Variants in SPTLC3 observed in about 807,000 individuals in gnomAD.
SPTLC3 encodes serine palmitoyltransferase 3.
Under a neutral mutation model 59.3 loss-of-function variants are expected in SPTLC3, and 36 were observed. The observed-to-expected ratio is 0.61, with a 90% CI of 0.47 to 0.80. The LOEUF (loss-of-function observed/expected upper bound fraction) is 0.80, where lower values mean the gene tolerates loss of function less well. Among genes scored for constraint, SPTLC3 ranks in the 30% least tolerant of loss-of-function variants. SPTLC3 has a pLI of 0.00. For missense variants in SPTLC3, 625 were observed against 685.1 expected (o/e 0.91, Z 0.98); for synonymous variants, 257 against 240.8 (o/e 1.07, Z -0.62).
intron 9 of SPTLC3, among the ~76,000 whole-genome samples, chr20:13,135,806 GA>G (rs1344770152): frequency 6.6e-6 from 1 of 152,180 alleles, no homozygotes; most frequent in African/African-American, 2.4e-5. Context: ...ATGGCTATAA[GA>G]AAAATCATAA....
intron 2 of SPTLC3, among the ~76,000 whole-genome samples, chr20:13,058,374 G>A (rs891660): frequency 0.22 from 33,033 of 151,088 alleles, 3,740 homozygotes; most frequent in African/African-American, 0.3. Context: ...GCATAGATCC[G>A]AACCCAAAGT....
intron 1 of SPTLC3, among the ~76,000 whole-genome samples, chr20:13,037,922 A>T (rs1986806583): frequency 6.6e-6 from 1 of 152,176 alleles, no homozygotes; most frequent in Middle Eastern, 3.4e-3. Flanking sequence ...GAGACATACC[A>T]GCTCGTGACT....
At position 13,167,141 on chromosome 20, in the gene SPTLC3, G is replaced by C. The variant is rs2038994098; in HGVS notation, c.*2274G>C. On this transcript the variant is annotated 3_prime_UTR_variant, in exon 12 of 12. Transcript: ENST00000399002. ...AAGCTCCACAGGGCCAATAATATTA[G>C]AGTATATGTCATATAGAATAAGGTT... 2 of 152,148 alleles carry C rather than the reference G, an allele frequency of 1.3e-5. No individual in the cohort carries two copies. The highest frequency in any genetic ancestry group is 4.8e-5 in the African/African-American group (2 of 41,414). The allele number at this position is 152,148 out of a possible 1,614,324, so 9.4% of individuals were successfully genotyped here. A position where few individuals can be genotyped will look rare whatever the true frequency, so the allele number is the denominator to read the frequency against.
At chr20:13,052,723 T>C (rs1600233473) in intron 2 of SPTLC3, among the ~76,000 whole-genome samples, 1 of 152,146 alleles carries the variant, frequency 6.6e-6, no homozygotes, top group East Asian at 1.9e-4. Context: ...CATCCACCAT[T>C]ACTGAGGCTT....
chr20:13,092,458 T>C (rs1202680228), intron 5 of SPTLC3, among the ~76,000 whole-genome samples: 1 of 152,232 alleles, frequency 6.6e-6, no homozygotes, highest in East Asian at 1.9e-4. Context: ...AAACGAATGA[T>C]AATGTCTATA....
chr20:13,113,443 A>G (rs1337225070), intron 7 of SPTLC3, among the ~76,000 whole-genome samples: 2 of 152,148 alleles, frequency 1.3e-5, no homozygotes, highest in African/African-American at 2.4e-5. Flanking sequence ...TAACCCCCAA[A>G]GAGAGCAGTC....
At chr20:13,060,327 A>G (rs756498601) in intron 2 of SPTLC3, among the ~76,000 whole-genome samples, 6 of 152,158 alleles carry the variant, frequency 3.9e-5, no homozygotes, top group Non-Finnish European at 8.8e-5. Flanking sequence ...AAGCATAACC[A>G]CTAACCCCAT....
intron 1 of SPTLC3, among the ~76,000 whole-genome samples, chr20:13,040,576 T>G (rs1986935588): frequency 1.3e-5 from 2 of 152,174 alleles, no homozygotes; most frequent in Non-Finnish European, 2.9e-5. Context: ...GCCAGGATGG[T>G]CTCGATCTCC....
intron 4 of SPTLC3, among the ~76,000 whole-genome samples, chr20:13,078,365 T>A (rs1200120255): frequency 6.6e-6 from 1 of 151,262 alleles, no homozygotes; most frequent in Non-Finnish European, 1.5e-5. Flanking sequence ...AGCTAAGAAG[T>A]AAACTGATTA....
intron 4 of SPTLC3, among the ~76,000 whole-genome samples, chr20:13,080,399 T>C (rs748474310): frequency 6.6e-6 from 1 of 151,656 alleles, no homozygotes; most frequent in Non-Finnish European, 1.5e-5. Context: ...TCCCTGCTAC[T>C]TGGGAGGCTG....
intron 9 of SPTLC3, among the ~76,000 whole-genome samples, chr20:13,149,781 A>G (rs1236873257): frequency 6.6e-6 from 1 of 152,230 alleles, no homozygotes; most frequent in Non-Finnish European, 1.5e-5. Flanking sequence ...TTAGCTGATG[A>G]TCCAGTTTCT....
intron 7 of SPTLC3, among the ~76,000 whole-genome samples, chr20:13,116,818 T>C (rs1990584071): frequency 6.6e-6 from 1 of 152,196 alleles, no homozygotes; most frequent in Admixed American, 6.5e-5. Context: ...GCCCACCCAA[T>C]ACCGACTGAA....
chr20:13,010,631 A>G (rs978951753), intron 1 of SPTLC3, among the ~76,000 whole-genome samples: 4 of 152,188 alleles, frequency 2.6e-5, no homozygotes, highest in African/African-American at 9.7e-5. Context: ...AACTCCTGTC[A>G]GTTGTATGAA....
intron 6 of SPTLC3, among the ~76,000 whole-genome samples, chr20:13,095,196 A>G (rs1448636785): frequency 1.3e-5 from 2 of 152,232 alleles, no homozygotes; most frequent in Non-Finnish European, 2.9e-5. Flanking sequence ...GGCTCTGCCT[A>G]CTTGGCAAAG....
intron 2 of SPTLC3, among the ~76,000 whole-genome samples, chr20:13,070,827 G>A (rs1450978403): frequency 6.6e-6 from 1 of 152,068 alleles, no homozygotes; most frequent in Non-Finnish European, 1.5e-5. Context: ...TAAGTTCTGA[G>A]CAAAGAGTGA....
chr20:13,157,065 G>T (rs1184008423), intron 10 of SPTLC3, among the ~76,000 whole-genome samples: 2 of 152,090 alleles, frequency 1.3e-5, no homozygotes, highest in African/African-American at 4.8e-5. Flanking sequence ...AAGGCTATTA[G>T]ACCTCAGCGA....
intron 1 of SPTLC3, among the ~76,000 whole-genome samples, chr20:13,030,410 G>T (rs1986381341): frequency 6.6e-6 from 1 of 152,112 alleles, no homozygotes; most frequent in African/African-American, 2.4e-5. Context: ...TGAATACGGG[G>T]GCTCCCTGGA....
intron 4 of SPTLC3, among the ~76,000 whole-genome samples, chr20:13,083,184 G>C (rs1325292161): frequency 6.6e-6 from 1 of 152,120 alleles, no homozygotes; most frequent in Non-Finnish European, 1.5e-5. Flanking sequence ...AAAGACTTAA[G>C]TTGCAGGGTC....
In SPTLC3 at chr20:13,010,593, C is replaced by T. The variant is rs115085099; in HGVS notation, c.117+1209C>T. On this transcript the variant is annotated intron_variant, in intron 1 of 11. Transcript: ENST00000399002. ...GCCTGTCCCACCTGAGGATCTGAAA[C>T]CTGGAGCAATGTGAAGAGAAGGTGC... 6.2e-3 allele frequency among the ~76,000 whole-genome samples: 945 copies of T among 152,260 alleles called. 5 individuals carry two copies. The highest frequency in any genetic ancestry group is 0.021 in the African/African-American group (883 of 41,546).
Sources: gnomAD v4.1 joint callset for allele counts (sites outside exome capture counted in the v4.1 genomes callset) on GRCh38, gnomAD v4.1.1 for gene constraint, MANE v1.5 for transcripts, NCBI Gene and HGNC (gene_info 2026-07-23, HGNC 2026-07-21) for gene names.